The following GPHN variants were observed in gnomAD, a reference collection of about 807,000 sequenced individuals.
GPHN encodes the protein gephyrin.
A neutral mutation model predicts 95.5 loss-of-function variants in GPHN; 17 were observed. That is an observed-to-expected ratio of 0.18 (90% CI 0.12 to 0.27). The LOEUF (loss-of-function observed/expected upper bound fraction) is 0.27. Ranked by LOEUF, GPHN falls within the 10% of genes least tolerant of loss-of-function variation. The probability of loss-of-function intolerance (pLI) is 1.00; values close to 1 mark genes in which losing one functional copy is unlikely to be tolerated. For synonymous variants in GPHN, 320 were observed against 322.5 expected (o/e 0.99, Z 0.08); for missense variants, 660 against 978.1 (o/e 0.67, Z 4.34).
At chr14:67,275,339 AATTTT>A in the GPHN span, among the ~76,000 whole-genome samples, 25 of 152,312 alleles carry the variant, frequency 1.6e-4, 1 homozygote, top group South Asian at 5.2e-3. Context: ...AGGGCTATTG[AATTTT>A]GTCAAAGGCC....
chr14:66,705,855 G>C (rs1039846142), intron 2 of GPHN, among the ~76,000 whole-genome samples: 1 of 152,138 alleles, frequency 6.6e-6, no homozygotes, highest in Admixed American at 6.5e-5. Context: ...ATTCACATAG[G>C]AAGAGAGGAA....
chr14:66,921,031 C>T lies in GPHN; in HGVS notation c.457-1635C>T, dbSNP rs372216416. On this transcript the variant is annotated intron_variant, in intron 6 of 22. Coordinates refer to ENST00000478722, the MANE Select transcript of GPHN (RefSeq NM_020806.5). ...CATTTGGGTTGGTTCCACGATTTTGCAATTATGAATTATGCTGCTATAAAC... is the reference window on the plus strand; with the variant it reads ...CATTTGGGTTGGTTCCACGATTTTGTAATTATGAATTATGCTGCTATAAAC... Among the ~76,000 whole-genome samples the T allele has an allele frequency of 2.2e-4, 33 of 152,252 alleles. 1 individual carries two copies. The East Asian group carries it at 5.2e-3, about 24-fold the overall frequency.
At chr14:66,827,676 A>G (rs2061433019) in intron 4 of GPHN, among the ~76,000 whole-genome samples, 1 of 152,114 alleles carries the variant, frequency 6.6e-6, no homozygotes, top group Non-Finnish European at 1.5e-5. Context: ...CCAGATAGAC[A>G]ACTATAGCCT....
intron 2 of GPHN, among the ~76,000 whole-genome samples, chr14:66,698,183 T>C (rs1341072195): frequency 6.6e-6 from 1 of 152,118 alleles, no homozygotes; most frequent in Non-Finnish European, 1.5e-5. Context: ...AGTTAAAAAA[T>C]ACATTTTGAA....
At chr14:66,599,392 A>ATTTTTTTTTTTTTTTT (rs765267813) in intron 1 of GPHN, among the ~76,000 whole-genome samples, 46 of 76,490 alleles carry the variant, frequency 6.0e-4, no homozygotes, top group African/African-American at 1.6e-3. Flanking sequence ...TTTTTTTTGC[A>ATTTTTTTTTTTTTTTT]TTTTTTTTTT....
intron 10 of GPHN, among the ~76,000 whole-genome samples, chr14:67,040,901 T>C (rs1169938177): frequency 6.6e-6 from 1 of 152,198 alleles, no homozygotes; most frequent in African/African-American, 2.4e-5. Flanking sequence ...GCGAGATTTC[T>C]CCACTGTAGT....
the GPHN span, among the ~76,000 whole-genome samples, chr14:67,700,125 C>T: frequency 3.5e-5 from 5 of 144,734 alleles, no homozygotes; most frequent in East Asian, 2.0e-4. Context: ...GGAGACAGAG[C>T]GAGAAAAAAA....
the GPHN span, chr14:67,223,763 T>G: frequency 3.7e-4 from 360 of 985,134 alleles, 1 homozygote; most frequent in Non-Finnish European, 4.2e-4. Context: ...GCTTGTATAG[T>G]TTTTCAGTTT....
Position 66,867,901 on chromosome 14 carries a change from C to T in GPHN, c.295-12038C>T, listed in dbSNP as rs148820465. On this transcript the variant is annotated intron_variant, in intron 4 of 22. Transcript: ENST00000478722. ...ATGGTCTTCTGACCAGCATCAGAAG[C>T]GTCACCTGGAAACTTGATAGAAATG... Among the ~76,000 whole-genome samples, 48 of 152,204 alleles carry T rather than the reference C, an allele frequency of 3.2e-4. No homozygotes were observed. In the East Asian group the frequency reaches 5.6e-3, roughly 18 times the overall value.
chr14:67,273,602 T>C, the GPHN span, among the ~76,000 whole-genome samples: 1 of 152,220 alleles, frequency 6.6e-6, no homozygotes, highest in African/African-American at 2.4e-5. Context: ...TGTGTCTTTA[T>C]AGCAGCATGA....
At chr14:66,602,826 A>C (rs1477525275) in intron 1 of GPHN, among the ~76,000 whole-genome samples, 2 of 151,932 alleles carry the variant, frequency 1.3e-5, no homozygotes, top group African/African-American at 4.8e-5. Flanking sequence ...TAAGAATCAC[A>C]TAGTGTTCAA....
the GPHN span, chr14:67,202,981 T>C: frequency 8.9e-7 from 1 of 1,129,180 alleles, no homozygotes; most frequent in Non-Finnish European, 1.2e-6. Flanking sequence ...AACAAATATA[T>C]CATGGTTCAT....
At chr14:67,367,636 A>G in the GPHN span, among the ~76,000 whole-genome samples, 1 of 139,066 alleles carries the variant, frequency 7.2e-6, no homozygotes, top group African/African-American at 3.0e-5. Context: ...CACAAATTCA[A>G]GACCAGCTGG....
chr14:67,197,298 A>C, the GPHN span: 1 of 152,350 alleles, frequency 6.6e-6, no homozygotes. Flanking sequence ...AGGAAGCTCA[A>C]ACTGAAGTGA....
chr14:66,755,707 G>A (rs756665385), intron 2 of GPHN, among the ~76,000 whole-genome samples: 1 of 151,946 alleles, frequency 6.6e-6, no homozygotes, highest in Non-Finnish European at 1.5e-5. Flanking sequence ...ATCAACCAAT[G>A]TTATGAGATA....
In GPHN at chr14:66,771,177, C is replaced by T. The variant is rs114457243; in HGVS notation, c.144-5287C>T. On this transcript the variant is annotated intron_variant, in intron 2 of 22. Transcript: ENST00000478722. Reference sequence around the variant, plus strand: ...CAGTTATCACTCTCTTCAGTTGTCACTTCTTTCTATTTAACTCCCTCTAGT... The same window carrying T: ...CAGTTATCACTCTCTTCAGTTGTCATTTCTTTCTATTTAACTCCCTCTAGT... 3.0e-3 allele frequency among the ~76,000 whole-genome samples: 462 copies of T among 152,236 alleles called. 2 individuals carry two copies. The highest frequency in any genetic ancestry group is 0.011 in the African/African-American group (439 of 41,536).
chr14:66,653,733 G>T (rs972803964), intron 1 of GPHN, among the ~76,000 whole-genome samples: 7 of 152,140 alleles, frequency 4.6e-5, no homozygotes, highest in Non-Finnish European at 8.8e-5. Context: ...TAATTATCTA[G>T]ATATTTATCC....
chr14:67,475,350 C>A, the GPHN span, among the ~76,000 whole-genome samples: 3 of 152,264 alleles, frequency 2.0e-5, no homozygotes, highest in South Asian at 6.2e-4. Context: ...GCTATGAACA[C>A]GGGTGTACAA....
the GPHN span, among the ~76,000 whole-genome samples, chr14:67,528,202 G>A: frequency 2.0e-5 from 3 of 152,172 alleles, no homozygotes; most frequent in Non-Finnish European, 4.4e-5. Flanking sequence ...AGCATCTACT[G>A]AGTACTTACT....
Sources: gnomAD v4.1 joint callset for allele counts (sites outside exome capture counted in the v4.1 genomes callset) on GRCh38, gnomAD v4.1.1 for gene constraint, MANE v1.5 for transcripts, NCBI Gene and HGNC (gene_info 2026-07-23, HGNC 2026-07-21) for gene names.